Variants in ASB4 observed in about 807,000 individuals in gnomAD.
The protein encoded by ASB4 is ankyrin repeat and SOCS box containing 4, also known as ankyrin repeat and SOCS box protein 4.
A neutral mutation model predicts 38.6 loss-of-function variants in ASB4; 35 were observed. The observed-to-expected ratio is 0.91, with a 90% CI of 0.69 to 1.20. ASB4 has a LOEUF of 1.20. Among genes scored for constraint, ASB4 ranks in the 50% most tolerant of loss-of-function variants. The pLI is 0.00. For missense variants in ASB4, 557 were observed against 527.2 expected, an observed-to-expected ratio of 1.06 and a Z score of -0.55; for synonymous variants, 195 against 201.3, an observed-to-expected ratio of 0.97 and a Z score of 0.26.
At chr7:95,506,738 G>T in intron 2 of ASB4, among the ~76,000 whole-genome samples, 1 of 125,942 alleles carries the variant, frequency 7.9e-6, no homozygotes, top group Non-Finnish European at 1.7e-5. Flanking sequence ...ACAATGAACT[G>T]TCTTGGTAGG....
At chr7:95,510,317 A>G (rs890065114) in intron 2 of ASB4, among the ~76,000 whole-genome samples, 1 of 152,188 alleles carries the variant, frequency 6.6e-6, no homozygotes, top group African/African-American at 2.4e-5. Flanking sequence ...TTTCCTTTTA[A>G]GTATCATGCC....
At chr7:95,489,366 A>G (rs886567679) in intron 1 of ASB4, among the ~76,000 whole-genome samples, 1 of 152,174 alleles carries the variant, frequency 6.6e-6, no homozygotes, top group African/African-American at 2.4e-5. Context: ...TCTCTTACCA[A>G]TTTGGCAGAG....
Position 95,538,094 on chromosome 7 carries a change from C to A in ASB4, c.*335C>A, listed in dbSNP as rs553028152. 22 of 195,906 alleles carry A rather than the reference C, an allele frequency of 1.1e-4. No individual in the cohort carries two copies. The highest frequency in any genetic ancestry group is 2.1e-4 in the Non-Finnish European group (20 of 95,836). 12.1% of individuals were successfully genotyped at this position (195,906 alleles called of 1,614,324 possible). Reference sequence around the variant, plus strand: ...AAATGGGACCCAGGTTTTCTTCCAACCAATATAATTCTGTGCCTTATCAGT... The same window carrying A: ...AAATGGGACCCAGGTTTTCTTCCAAACAATATAATTCTGTGCCTTATCAGT... On this transcript the variant is annotated 3_prime_UTR_variant, in exon 5 of 5. Coordinates refer to ENST00000325885, the MANE Select transcript of ASB4 (RefSeq NM_016116.3).
intron 2 of ASB4, among the ~76,000 whole-genome samples, chr7:95,525,020 C>T (rs1183293706): frequency 6.6e-6 from 1 of 152,162 alleles, no homozygotes; most frequent in Non-Finnish European, 1.5e-5. Context: ...GTCTGCGTGC[C>T]TAAATTAACC....
intron 2 of ASB4, among the ~76,000 whole-genome samples, chr7:95,498,692 G>T (rs55639050): frequency 6.6e-6 from 1 of 152,110 alleles, no homozygotes; most frequent in Non-Finnish European, 1.5e-5. Flanking sequence ...GAAGTATTTA[G>T]TTCTGATAAA....
chr7:95,506,551 C>G (rs1790410877), intron 2 of ASB4, among the ~76,000 whole-genome samples: 1 of 152,212 alleles, frequency 6.6e-6, no homozygotes, highest in Non-Finnish European at 1.5e-5. Flanking sequence ...GATTCATAAA[C>G]ATTTTCTTTT....
intron 2 of ASB4, among the ~76,000 whole-genome samples, chr7:95,524,140 C>G (rs1790703157): frequency 6.6e-6 from 1 of 152,148 alleles, no homozygotes. Context: ...AGATGTAGAG[C>G]CCAGAGAAAT....
intron 2 of ASB4, among the ~76,000 whole-genome samples, chr7:95,506,461 A>G (rs1417248564): frequency 6.6e-6 from 1 of 152,092 alleles, no homozygotes; most frequent in Non-Finnish European, 1.5e-5. Flanking sequence ...GTCCTCTGGT[A>G]CATTTCTGAG....
In ASB4 at chr7:95,495,886, A is replaced by C; in HGVS notation, c.316A>C (p.Asn106His). 6.2e-7 allele frequency: 1 copy of C among 1,614,134 alleles called. No homozygotes were observed. Among genetic ancestry groups the C allele is most frequent in the Admixed American group, 1.7e-5 (1 of 60,008 alleles). Reference protein sequence around the residue: ...DHNATINCRPNGKTPLHVACE... With the variant: ...DHNATINCRPHGKTPLHVACE... ...CAATGCTACAATCAACTGTAGACCC[A>C]ATGGGAAAACCCCTCTTCACGTGGC... Residue 106 changes from asparagine (N) to histidine (H), a missense_variant, in exon 2 of 5, where the codon AAT becomes CAT. By Grantham distance (68) the Asn-to-His change is moderately conservative (BLOSUM62 1). Transcript: ENST00000325885.
chr7:95,505,848 C>T (rs59348835), intron 2 of ASB4, among the ~76,000 whole-genome samples: 1 of 152,068 alleles, frequency 6.6e-6, no homozygotes, highest in Non-Finnish European at 1.5e-5. Context: ...TCTACATACT[C>T]ATTGCTATTT....
intron 2 of ASB4, among the ~76,000 whole-genome samples, chr7:95,525,716 G>A (rs1397877536): frequency 3.3e-5 from 5 of 152,104 alleles, no homozygotes; most frequent in East Asian, 1.9e-4. Flanking sequence ...ATTCTCATTC[G>A]TTCCATTTCA....
chr7:95,497,776 A>T (rs1214568037), intron 2 of ASB4, among the ~76,000 whole-genome samples: 4 of 152,198 alleles, frequency 2.6e-5, no homozygotes, highest in African/African-American at 9.6e-5. Flanking sequence ...ACATTAAAAT[A>T]TAAAATATGT....
the ASB4 span, among the ~76,000 whole-genome samples, chr7:95,546,576 C>G: frequency 6.6e-6 from 1 of 152,094 alleles, no homozygotes; most frequent in Non-Finnish European, 1.5e-5. Context: ...CAATAATAAC[C>G]AACCAAAATA....
intron 2 of ASB4, among the ~76,000 whole-genome samples, chr7:95,523,329 T>C (rs770614933): frequency 2.0e-5 from 3 of 152,184 alleles, no homozygotes; most frequent in Non-Finnish European, 4.4e-5. Context: ...GCAATTATGA[T>C]AGCATAAGCT....
the ASB4 span, among the ~76,000 whole-genome samples, chr7:95,550,882 T>C: frequency 1.3e-5 from 2 of 152,110 alleles, no homozygotes; most frequent in African/African-American, 4.8e-5. Flanking sequence ...TCCAACCCCT[T>C]CCCCAAAGTT....
chr7:95,512,946 A>ATTAAATTAAGAAC (rs1790503056), intron 2 of ASB4, among the ~76,000 whole-genome samples: 2 of 152,228 alleles, frequency 1.3e-5, no homozygotes. Flanking sequence ...TGCAGATGTG[A>ATTAAATTAAGAAC]TTAAATTAAG....
Position 95,537,926 on chromosome 7 carries a change from A to C in ASB4, c.*167A>C. 1.7e-6 allele frequency: 1 copy of C among 598,272 alleles called. No homozygotes were observed. 37.1% of individuals were successfully genotyped at this position (598,272 alleles called of 1,614,324 possible). On this transcript the variant is annotated 3_prime_UTR_variant, in exon 5 of 5. Transcript: ENST00000325885. Reference sequence around the variant, plus strand: ...CTAGAATATCATGGTATGGGGAAATAAAGAAGAAGTAAAGTTAAGGAATTT... The same window carrying C: ...CTAGAATATCATGGTATGGGGAAATCAAGAAGAAGTAAAGTTAAGGAATTT...
chr7:95,504,074 T>C (rs1790375769), intron 2 of ASB4, among the ~76,000 whole-genome samples: 1 of 152,218 alleles, frequency 6.6e-6, no homozygotes, highest in East Asian at 1.9e-4. Context: ...CCTTGAATCC[T>C]GCATTTCCCT....
At chr7:95,501,587 A>C (rs1464336695) in intron 2 of ASB4, among the ~76,000 whole-genome samples, 1 of 152,244 alleles carries the variant, frequency 6.6e-6, no homozygotes, top group African/African-American at 2.4e-5. Context: ...CCTGCTATAC[A>C]TTAGATCTTC....
Sources: gnomAD v4.1 joint callset for allele counts (sites outside exome capture counted in the v4.1 genomes callset) on GRCh38, gnomAD v4.1.1 for gene constraint, MANE v1.5 for transcripts, NCBI Gene and HGNC (gene_info 2026-07-23, HGNC 2026-07-21) for gene names.